Variants in INPP4B observed in about 807,000 individuals in gnomAD.
INPP4B encodes the protein inositol polyphosphate 4-phosphatase type II.
A neutral mutation model predicts 122.5 loss-of-function variants in INPP4B; 55 were observed. The observed-to-expected ratio is 0.45, with a 90% confidence interval of 0.36 to 0.56. The LOEUF is 0.56. Among genes scored for constraint, INPP4B ranks in the 20% least tolerant of loss-of-function variants. The probability of loss-of-function intolerance (pLI) is 0.00; values close to 1 mark genes in which losing one functional copy is unlikely to be tolerated. For missense variants in INPP4B, 1,000 were observed against 1,097.7 expected (o/e 0.91, Z 1.26); for synonymous variants, 403 against 388.7 (o/e 1.04, Z -0.43).
chr4:142,355,910 T>C (rs1193795703), intron 7 of INPP4B, among the ~76,000 whole-genome samples: 2 of 151,658 alleles, frequency 1.3e-5, no homozygotes, highest in Non-Finnish European at 1.5e-5. Context: ...CTTCAACTAC[T>C]GAGTCTTTTC....
At chr4:142,116,899 A>T (rs1283008338) in intron 21 of INPP4B, among the ~76,000 whole-genome samples, 3 of 152,172 alleles carry the variant, frequency 2.0e-5, no homozygotes, top group African/African-American at 7.2e-5. Flanking sequence ...GATCAACAAT[A>T]TTGACAGACC....
chr4:142,378,376 C>T (rs1792795548), intron 7 of INPP4B, among the ~76,000 whole-genome samples: 1 of 152,142 alleles, frequency 6.6e-6, no homozygotes, highest in African/African-American at 2.4e-5. Flanking sequence ...AAAAACCTTG[C>T]TCGGGCACCC....
chr4:142,839,432 T>TCAA (rs1174232997), intron 1 of INPP4B, among the ~76,000 whole-genome samples: 1 of 151,534 alleles, frequency 6.6e-6, no homozygotes, highest in Non-Finnish European at 1.5e-5. Context: ...AGACTCCATC[T>TCAA]CAACAACAAC....
intron 7 of INPP4B, among the ~76,000 whole-genome samples, chr4:142,341,229 G>A (rs1778590828): frequency 6.6e-6 from 1 of 151,984 alleles, no homozygotes; most frequent in Non-Finnish European, 1.5e-5. Context: ...TTGACATTAT[G>A]GTTATTATGT....
intron 2 of INPP4B, among the ~76,000 whole-genome samples, chr4:142,557,300 G>C (rs1236026798): frequency 6.6e-6 from 1 of 152,122 alleles, no homozygotes; most frequent in Non-Finnish European, 1.5e-5. Context: ...ATGAATAAGA[G>C]GAGAACAAGA....
intron 2 of INPP4B, among the ~76,000 whole-genome samples, chr4:142,520,157 G>T (rs558883330): frequency 2.0e-5 from 3 of 151,820 alleles, no homozygotes; most frequent in Non-Finnish European, 2.9e-5. Flanking sequence ...CTTTTAGAGC[G>T]GCATGAATTA....
chr4:142,299,109 G>C (rs1292495483), intron 9 of INPP4B, among the ~76,000 whole-genome samples: 1 of 151,004 alleles, frequency 6.6e-6, no homozygotes, highest in Non-Finnish European at 1.5e-5. Flanking sequence ...TGCATTTGCT[G>C]TTGACTCACA....
chr4:142,103,263 C>A (rs1254023872), intron 23 of INPP4B, among the ~76,000 whole-genome samples: 2 of 152,002 alleles, frequency 1.3e-5, no homozygotes, highest in Non-Finnish European at 2.9e-5. Flanking sequence ...ATAATTTCTA[C>A]TTTTTATGGG....
chr4:142,466,801 A>G (rs544281720), intron 2 of INPP4B, among the ~76,000 whole-genome samples: 1 of 152,270 alleles, frequency 6.6e-6, no homozygotes, highest in Admixed American at 6.5e-5. Context: ...TCAGGGCCCC[A>G]TTGCCCTGAT....
intron 2 of INPP4B, among the ~76,000 whole-genome samples, chr4:142,625,890 C>T (rs1746261026): frequency 6.6e-6 from 1 of 152,120 alleles, no homozygotes. Context: ...GGAAAGGATT[C>T]CCTACTTAAT....
At position 142,289,253 on chromosome 4, in the gene INPP4B, CT is replaced by C. The variant is rs547172772; in HGVS notation, c.503+16204del. Among the ~76,000 whole-genome samples, 21 of 152,146 alleles carry C rather than the reference CT, an allele frequency of 1.4e-4. No homozygotes were observed. The East Asian group carries it at 4.1e-3, about 29-fold the overall frequency. ...CTTTTCTTGACTGTAATTTAAAATA[CT>C]TTTCTAGGCCTTCCAGGGTTCCTTC... On this transcript the variant is annotated intron_variant, in intron 9 of 25. Transcript: ENST00000262992.
chr4:142,324,423 T>C (rs1328424822), intron 7 of INPP4B, among the ~76,000 whole-genome samples: 1 of 152,064 alleles, frequency 6.6e-6, no homozygotes, highest in East Asian at 1.9e-4. Context: ...GTTAAGACAT[T>C]CCACTATACT....
chr4:142,141,466 A>C (rs1373267269), intron 18 of INPP4B, among the ~76,000 whole-genome samples: 2 of 152,162 alleles, frequency 1.3e-5, no homozygotes, highest in Admixed American at 1.3e-4. Flanking sequence ...ATTTGAGTGT[A>C]CTACAAATAA....
At chr4:142,439,061 C>T (rs773522682) in intron 3 of INPP4B, among the ~76,000 whole-genome samples, 6 of 152,110 alleles carry the variant, frequency 3.9e-5, no homozygotes, top group Admixed American at 6.5e-5. Context: ...GTGAGAAATA[C>T]AGGTGTCTGA....
chr4:142,571,485 T>G (rs1336903286), intron 2 of INPP4B, among the ~76,000 whole-genome samples: 1 of 152,148 alleles, frequency 6.6e-6, no homozygotes, highest in African/African-American at 2.4e-5. Flanking sequence ...AGGCCAGTAA[T>G]GATTATATAT....
intron 7 of INPP4B, among the ~76,000 whole-genome samples, chr4:142,332,085 T>A (rs897630316): frequency 6.6e-6 from 1 of 152,198 alleles, no homozygotes; most frequent in Non-Finnish European, 1.5e-5. Context: ...GTATTTTCCA[T>A]ACAGACAATG....
chr4:142,069,963 A>T (rs918300598), intron 25 of INPP4B, among the ~76,000 whole-genome samples: 2 of 151,918 alleles, frequency 1.3e-5, no homozygotes, highest in African/African-American at 4.9e-5. Flanking sequence ...AAAAAGAGGG[A>T]ATCCTCCTCC....
chr4:142,676,884 A>G (rs1300336711), intron 2 of INPP4B, among the ~76,000 whole-genome samples: 1 of 152,182 alleles, frequency 6.6e-6, no homozygotes, highest in Non-Finnish European at 1.5e-5. Flanking sequence ...AAACCATAAA[A>G]AACCCTAGAA....
chr4:142,223,954 TAAAC>T (rs1156264247), intron 12 of INPP4B, among the ~76,000 whole-genome samples: 1 of 152,188 alleles, frequency 6.6e-6, no homozygotes, highest in Non-Finnish European at 1.5e-5. Context: ...TATATGAGAT[TAAAC>T]AGAGTAGCTG....
Sources: gnomAD v4.1 joint callset for allele counts (sites outside exome capture counted in the v4.1 genomes callset) on GRCh38, gnomAD v4.1.1 for gene constraint, MANE v1.5 for transcripts, NCBI Gene and HGNC (gene_info 2026-07-23, HGNC 2026-07-21) for gene names.